Variants in ABHD3 observed in about 807,000 individuals in gnomAD.
The protein encoded by ABHD3 is phospholipase ABHD3.
Under a neutral mutation model 48.8 loss-of-function variants are expected in ABHD3, and 46 were observed. That is an observed-to-expected ratio of 0.94 (90% CI 0.74 to 1.20). The LOEUF is 1.20. Ranked by LOEUF, ABHD3 falls within the 50% of genes most tolerant of loss-of-function variation. The pLI, the probability that ABHD3 is intolerant of heterozygous loss-of-function variation, is 0.00. For missense variants in ABHD3, 490 were observed against 497.8 expected, an observed-to-expected ratio of 0.98 and a Z score of 0.15; for synonymous variants, 192 against 183.7, an observed-to-expected ratio of 1.04 and a Z score of -0.36.
chr18:21,675,300 G>A (rs577159731), intron 4 of ABHD3, among the ~76,000 whole-genome samples: 12 of 128,172 alleles, frequency 9.4e-5, no homozygotes, highest in African/African-American at 1.8e-4. Flanking sequence ...ACTGAGTCTC[G>A]CTCTGTTGCC....
intron 5 of ABHD3, 146 bp downstream of exon 5, chr18:21,663,972 A>C: frequency 1.4e-6 from 2 of 1,431,300 alleles, no homozygotes; most frequent in East Asian, 5.0e-5. Flanking sequence ...TCGTTCATTC[A>C]ATCAACCGCA....
In ABHD3 at chr18:21,659,214, A is replaced by C. The variant is rs1242001436; in HGVS notation, c.798T>G (p.Leu266=). 1.2e-6 allele frequency: 2 copies of C among 1,613,736 alleles called. No homozygotes were observed. Among genetic ancestry groups the C allele is most frequent in the Non-Finnish European group, 1.7e-6 (2 of 1,179,948 alleles). ...ESLEKPLNWL[L]FNYYLTTCLQ... Reference sequence around the variant, plus strand: ...GGCAGGTTGTCAAATAGTAATTAAAAAGTAGCCAGTTCAGTGGTTTTTCCA... The same window carrying C: ...GGCAGGTTGTCAAATAGTAATTAAACAGTAGCCAGTTCAGTGGTTTTTCCA... Residue 266 remains leucine (L), a synonymous_variant, in exon 6 of 9, where the codon CTT becomes CTG. Transcript: ENST00000289119.
chr18:21,683,445 G>A (rs2040052735), intron 4 of ABHD3: 1 of 400,760 alleles, frequency 2.5e-6, no homozygotes, highest in Non-Finnish European at 5.2e-6. Context: ...AATTTCATAA[G>A]TGGAAAAAAA....
At chr18:21,690,715 T>C (rs569114635) in intron 3 of ABHD3, among the ~76,000 whole-genome samples, 2 of 150,044 alleles carry the variant, frequency 1.3e-5, no homozygotes, top group South Asian at 2.1e-4. Flanking sequence ...CAAGATCTGG[T>C]TGGGCACAGT....
intron 4 of ABHD3, among the ~76,000 whole-genome samples, chr18:21,681,858 C>G (rs1037755313): frequency 2.6e-5 from 4 of 152,118 alleles, no homozygotes; most frequent in African/African-American, 9.7e-5. Context: ...GGACAGGGGC[C>G]AGGTGCAGTG....
intron 3 of ABHD3, among the ~76,000 whole-genome samples, chr18:21,697,161 C>T (rs1473214964): frequency 2.0e-5 from 3 of 151,386 alleles, no homozygotes; most frequent in Non-Finnish European, 2.9e-5. Context: ...CTGCAACCTC[C>T]ACAACCCAGG....
intron 4 of ABHD3, among the ~76,000 whole-genome samples, chr18:21,676,083 C>G (rs1420506097): frequency 6.6e-6 from 1 of 152,160 alleles, no homozygotes; most frequent in African/African-American, 2.4e-5. Context: ...CTAACTACCT[C>G]CAAAGGCCGT....
At chr18:21,656,488 G>A (rs916196475) in intron 8 of ABHD3, among the ~76,000 whole-genome samples, 1 of 152,166 alleles carries the variant, frequency 6.6e-6, no homozygotes, top group Non-Finnish European at 1.5e-5. Context: ...GATTAAAAGG[G>A]AAGAAAAACT....
intron 3 of ABHD3, among the ~76,000 whole-genome samples, chr18:21,700,696 G>A (rs1297587046): frequency 6.6e-6 from 1 of 152,010 alleles, no homozygotes; most frequent in Non-Finnish European, 1.5e-5. Context: ...CACTGCACCT[G>A]GCCCACGTTG....
chr18:21,653,077 A>AAAAAAAAAAAAAAAG lies in ABHD3; in HGVS notation c.1058-1315_1058-1314insCTTTTTTTTTTTTTT, dbSNP rs772523934. Reference sequence around the variant, plus strand: ...CAAAAAAAAAAAAAAAAAAAAAAAAAAAAGAGCTGGGTGTGGTGGCTCACG... The same window carrying AAAAAAAAAAAAAAAG: ...CAAAAAAAAAAAAAAAAAAAAAAAAAAAAAAAAAAAAAAAGAAAGAGCTGGGTGTGGTGGCTCACG... On this transcript the variant is annotated intron_variant, in intron 8 of 8. Coordinates refer to ENST00000289119, the MANE Select transcript of ABHD3 (RefSeq NM_138340.5). Among the ~76,000 whole-genome samples the AAAAAAAAAAAAAAAG allele has an allele frequency of 1.3e-4, 10 of 76,156 alleles. 3 individuals carry two copies. Among genetic ancestry groups the AAAAAAAAAAAAAAAG allele is most frequent in the African/African-American group, 4.2e-4 (6 of 14,270 alleles). 50.0% of individuals were successfully genotyped at this position (76,156 alleles called of 152,430 possible). A position where few individuals can be genotyped will look rare whatever the true frequency, so the allele number is the denominator to read the frequency against.
At chr18:21,671,252 A>G (rs989055699) in intron 4 of ABHD3, among the ~76,000 whole-genome samples, 13 of 152,272 alleles carry the variant, frequency 8.5e-5, no homozygotes, top group African/African-American at 3.1e-4. Context: ...ATACACAACT[A>G]TGCAGTTCTA....
Position 21,702,229 on chromosome 18 carries a change from C to A in ABHD3, c.509+87G>T, listed in dbSNP as rs899849716. The A allele has an allele frequency of 1.1e-5, 13 of 1,212,066 alleles. No homozygotes were observed. In the Admixed American group the frequency reaches 3.3e-4, roughly 31 times the overall value. 75.1% of individuals were successfully genotyped at this position (1,212,066 alleles called of 1,614,324 possible). ...GGACTGCTTTTCTATGCAAGAAGTA[C>A]TAAGTATTTCTGAAACAAACATGTA... On this transcript the variant is annotated intron_variant, in intron 3 of 8. Transcript: ENST00000289119.
intron 4 of ABHD3, among the ~76,000 whole-genome samples, chr18:21,677,288 G>A (rs1016631063): frequency 6.6e-6 from 1 of 152,020 alleles, no homozygotes; most frequent in African/African-American, 2.4e-5. Flanking sequence ...TCCGCCTCCT[G>A]GGTTCACGCC....
At position 21,704,577 on chromosome 18, in the gene ABHD3, G is replaced by A. The variant is rs778304671; in HGVS notation, c.89C>T (p.Ser30Leu). Residue 30 changes from serine (S) to leucine (L), a missense_variant, in exon 1 of 9, where the codon TCG becomes TTG. By Grantham distance (145) the Ser-to-Leu change is moderately radical. Transcript: ENST00000289119. ...EHQVRVGFFG[S>L]GVGLSLILGF... ...CAGGATAAGGGATAAGCCCACCCCC[G>A]AGCCGAAGAACCCCACCCGGACTTG... 9 of 1,546,196 alleles carry A rather than the reference G, an allele frequency of 5.8e-6. No homozygotes were observed. The highest frequency in any genetic ancestry group is 3.6e-5 in the South Asian group (3 of 82,696).
intron 3 of ABHD3, among the ~76,000 whole-genome samples, chr18:21,685,582 G>A (rs909570242): frequency 2.0e-5 from 3 of 152,230 alleles, no homozygotes; most frequent in African/African-American, 7.2e-5. Flanking sequence ...AGGCTGGAGT[G>A]CGGTGGCGCG....
intron 3 of ABHD3, among the ~76,000 whole-genome samples, chr18:21,695,997 G>T (rs1407382915): frequency 1.3e-5 from 2 of 151,902 alleles, no homozygotes; most frequent in Non-Finnish European, 2.9e-5. Flanking sequence ...TTAGTTGGGG[G>T]TGGAATACAA....
intron 3 of ABHD3, among the ~76,000 whole-genome samples, chr18:21,698,438 C>T (rs548070903): frequency 6.6e-5 from 10 of 151,626 alleles, no homozygotes; most frequent in South Asian, 6.3e-4. Context: ...CTGCCCACGT[C>T]GGCCTCCCAG....
rs1285901309 is a variant in ABHD3, at chr18:21,657,113, A to G, written c.882T>C (p.His294=). 1 of 1,613,396 alleles carries G rather than the reference A, an allele frequency of 6.2e-7. No homozygotes were observed. Among genetic ancestry groups the G allele is most frequent in the Non-Finnish European group, 8.5e-7 (1 of 1,179,866 alleles). Residue 294 remains histidine (H), a synonymous_variant, in exon 7 of 9, where the codon CAT becomes CAC. Transcript: ENST00000289119. ...HMFVKQVDMD[H]VMKAKSIREF... ...AAAGTTTCTCTCCTACCTTCATGAC[A>G]TGATCCATATCAACTTGTTTTACAA...
At chr18:21,701,522 G>A (rs937509999) in intron 3 of ABHD3, 1 of 151,872 alleles carries the variant, frequency 6.6e-6, no homozygotes, top group Non-Finnish European at 1.5e-5. Flanking sequence ...TTTTTTTAAG[G>A]TAAACTTACC....
Sources: allele counts gnomAD v4.1 joint callset (sites outside exome capture counted in the v4.1 genomes callset), GRCh38; gene constraint gnomAD v4.1.1; transcripts MANE v1.5; gene names NCBI Gene and HGNC (gene_info 2026-07-23, HGNC 2026-07-21).